UBE2N: variants seen among roughly 807,000 people sequenced by gnomAD.
UBE2N encodes the protein ubiquitin-conjugating enzyme E2 N.
For missense variants in UBE2N, 60 were observed against 192.1 expected (o/e 0.31, Z 4.07); for synonymous variants, 70 against 69.2 (o/e 1.01, Z -0.06).
At chr12:93,440,801 C>T (rs1879077213) in intron 1 of UBE2N, among the ~76,000 whole-genome samples, 1 of 152,166 alleles carries the variant, frequency 6.6e-6, no homozygotes, top group Non-Finnish European at 1.5e-5. Context: ...GAAGACTTGT[C>T]GATATTTCCT....
chr12:93,429,741 A>C, intron 1 of UBE2N, among the ~76,000 whole-genome samples: 1 of 152,068 alleles, frequency 6.6e-6, no homozygotes, highest in Admixed American at 6.5e-5. Context: ...GAATAGGCCT[A>C]ATATGTGTGT....
intron 1 of UBE2N, among the ~76,000 whole-genome samples, chr12:93,427,293 G>A (rs1336929154): frequency 6.6e-6 from 1 of 152,180 alleles, no homozygotes; most frequent in Non-Finnish European, 1.5e-5. Context: ...AGCAATGCAG[G>A]CTTCACATGT....
At chr12:93,426,025 TCA>T (rs1878569979) in intron 1 of UBE2N, among the ~76,000 whole-genome samples, 1 of 152,200 alleles carries the variant, frequency 6.6e-6, no homozygotes, top group Admixed American at 6.5e-5. Context: ...CTTTAATATT[TCA>T]CAGATTATCA....
At chr12:93,421,896 A>C (rs1565794568) in intron 1 of UBE2N, among the ~76,000 whole-genome samples, 1 of 152,216 alleles carries the variant, frequency 6.6e-6, no homozygotes, top group Non-Finnish European at 1.5e-5. Flanking sequence ...AACTGGAAGG[A>C]AGAGTAAAAC....
At chr12:93,434,570 T>G (rs1356086900) in intron 1 of UBE2N, among the ~76,000 whole-genome samples, 1 of 152,186 alleles carries the variant, frequency 6.6e-6, no homozygotes, top group African/African-American at 2.4e-5. Context: ...ATCAAAACAT[T>G]AGATAGTATA....
intron 1 of UBE2N, among the ~76,000 whole-genome samples, chr12:93,420,698 C>T (rs1397087275): frequency 6.6e-6 from 1 of 152,112 alleles, no homozygotes; most frequent in South Asian, 2.1e-4. Flanking sequence ...TTGGTAAATT[C>T]CATCTCAGGA....
intron 1 of UBE2N, among the ~76,000 whole-genome samples, chr12:93,439,659 A>AT (rs199659940): frequency 7.2e-5 from 11 of 152,068 alleles, no homozygotes; most frequent in Admixed American, 2.6e-4. Context: ...ATAAATTCTG[A>AT]TTTTTTTTAA....
At chr12:93,412,586 C>A (rs925846287) in intron 1 of UBE2N, among the ~76,000 whole-genome samples, 43 of 152,312 alleles carry the variant, frequency 2.8e-4, no homozygotes, top group African/African-American at 1.0e-3. Flanking sequence ...CAAGAGTATA[C>A]TGAACAAAGG....
At chr12:93,441,287 C>A (rs1879098498) in intron 1 of UBE2N, 1 of 152,260 alleles carries the variant, frequency 6.6e-6, no homozygotes, top group African/African-American at 2.4e-5. Context: ...ATGTGCTGAC[C>A]GCGGCAGGAC....
At chr12:93,438,159 G>A (rs1878990545) in intron 1 of UBE2N, among the ~76,000 whole-genome samples, 2 of 152,112 alleles carry the variant, frequency 1.3e-5, no homozygotes, top group East Asian at 1.9e-4. Context: ...GCCAAGGATT[G>A]GTCTAGGCAC....
chr12:93,435,817 T>G lies in UBE2N; in HGVS notation c.30+6038A>C, dbSNP rs1206445011. 2.6e-5 allele frequency among the ~76,000 whole-genome samples: 4 copies of G among 152,274 alleles called. No homozygotes were observed. The East Asian group carries it at 7.7e-4, about 29-fold the overall frequency. On this transcript the variant is annotated intron_variant, in intron 1 of 3. Transcript: ENST00000318066. ...AGACTGTATCTGATTTTTAAGAATT[T>G]GAGGCTAAATCACACCAAATAGAAG...
At chr12:93,413,047 T>C (rs1878077415) in intron 1 of UBE2N, among the ~76,000 whole-genome samples, 1 of 152,192 alleles carries the variant, frequency 6.6e-6, no homozygotes, top group Admixed American at 6.5e-5. Flanking sequence ...TTGTCTCCAA[T>C]TTCTCTCCTC....
chr12:93,435,687 C>T (rs1295402697), intron 1 of UBE2N, among the ~76,000 whole-genome samples: 4 of 152,100 alleles, frequency 2.6e-5, no homozygotes, highest in African/African-American at 9.7e-5. Flanking sequence ...ACCTTATGCA[C>T]TAGAATACCT....
At chr12:93,410,101 C>T (rs374569242) in intron 3 of UBE2N, 22 bp from the exon 4 acceptor site, 362 of 1,609,400 alleles carry the variant, frequency 2.2e-4, no homozygotes, top group Middle Eastern at 4.9e-4. Flanking sequence ...AACAAACATA[C>T]GATTATTATT....
At chr12:93,425,200 T>C (rs917829112) in intron 1 of UBE2N, among the ~76,000 whole-genome samples, 1 of 152,176 alleles carries the variant, frequency 6.6e-6, no homozygotes, top group Non-Finnish European at 1.5e-5. Context: ...AAGCTAATAT[T>C]TGGCAGAGCT....
chr12:93,440,198 G>T (rs779185414), intron 1 of UBE2N, among the ~76,000 whole-genome samples: 2 of 152,160 alleles, frequency 1.3e-5, no homozygotes, highest in Non-Finnish European at 2.9e-5. Flanking sequence ...GATATTTGAT[G>T]TATGGCTCTA....
chr12:93,431,915 G>A (rs1323210638), intron 1 of UBE2N, among the ~76,000 whole-genome samples: 2 of 152,060 alleles, frequency 1.3e-5, no homozygotes, highest in African/African-American at 4.8e-5. Flanking sequence ...TCTTGGCCCA[G>A]CAAACTCTTA....
At chr12:93,422,294 T>A (rs914523897) in intron 1 of UBE2N, among the ~76,000 whole-genome samples, 1 of 152,206 alleles carries the variant, frequency 6.6e-6, no homozygotes, top group African/African-American at 2.4e-5. Flanking sequence ...TAACACTTCA[T>A]TGCCTGAACT....
chr12:93,410,912 A>G (rs1291394280), intron 2 of UBE2N, 38 bp from the exon 3 acceptor site: 2 of 1,614,208 alleles, frequency 1.2e-6, no homozygotes, highest in South Asian at 1.1e-5. Flanking sequence ...AAAGCATGAA[A>G]AAAACAGGCC....
Sources: allele counts gnomAD v4.1 joint callset (sites outside exome capture counted in the v4.1 genomes callset), GRCh38; gene constraint gnomAD v4.1.1; transcripts MANE v1.5; gene names NCBI Gene and HGNC (gene_info 2026-07-23, HGNC 2026-07-21).